The following FOXP2 variants were observed in gnomAD, a reference collection of about 807,000 sequenced individuals.
FOXP2 encodes the protein forkhead box P2, also known as forkhead box protein P2.
In FOXP2, 12 loss-of-function variants were observed where a neutral mutation model predicts 115.8. The ratio of observed to expected loss-of-function variants is 0.10; its 90% confidence interval spans 0.07 to 0.17. FOXP2 has a LOEUF of 0.17. FOXP2 is among the 10% of genes least tolerant of loss of function. The probability of loss-of-function intolerance (pLI) is 1.00; values close to 1 mark genes in which losing one functional copy is unlikely to be tolerated. For missense variants in FOXP2, 629 were observed against 843.5 expected (o/e 0.75, Z 3.15); for synonymous variants, 328 against 297.7 (o/e 1.10, Z -1.05).
At chr7:114,672,447 C>T (rs1026283209) in intron 16 of FOXP2, among the ~76,000 whole-genome samples, 6 of 151,800 alleles carry the variant, frequency 4.0e-5, no homozygotes, top group Non-Finnish European at 8.8e-5. Flanking sequence ...TAGCTGGGCA[C>T]GGTGGTGGGG....
chr7:114,211,991 T>A (rs1794365520), intron 1 of FOXP2, among the ~76,000 whole-genome samples: 1 of 151,868 alleles, frequency 6.6e-6, no homozygotes, highest in Non-Finnish European at 1.5e-5. Context: ...GAGAATCACT[T>A]GAACCCAGGA....
At chr7:114,375,722 T>TCTCC (rs1051886788) in intron 2 of FOXP2, among the ~76,000 whole-genome samples, 1 of 152,120 alleles carries the variant, frequency 6.6e-6, no homozygotes, top group African/African-American at 2.4e-5. Flanking sequence ...CCTCTCTCTC[T>TCTCC]CTCCCAATGT....
At chr7:114,432,703 T>G (rs1418177126) in intron 2 of FOXP2, among the ~76,000 whole-genome samples, 2 of 151,940 alleles carry the variant, frequency 1.3e-5, no homozygotes. Flanking sequence ...TTGAAGGATC[T>G]TTTCATGAAT....
intron 2 of FOXP2, chr7:114,366,672 G>C (rs1791889705): frequency 6.6e-6 from 1 of 152,102 alleles, no homozygotes; most frequent in Non-Finnish European, 1.5e-5. Context: ...AAATTTCTCA[G>C]CAGCAATAGT....
At chr7:114,342,353 A>G (rs534871251) in intron 2 of FOXP2, among the ~76,000 whole-genome samples, 1 of 151,564 alleles carries the variant, frequency 6.6e-6, no homozygotes, top group East Asian at 1.9e-4. Context: ...ATACTTAAAC[A>G]TAAAAGTTTA....
At chr7:114,407,007 A>T (rs1218204378) in intron 2 of FOXP2, among the ~76,000 whole-genome samples, 1 of 152,034 alleles carries the variant, frequency 6.6e-6, no homozygotes, top group Non-Finnish European at 1.5e-5. Flanking sequence ...GAAGGAGAGA[A>T]CCAGACAGGA....
At chr7:114,444,441 TTATAGCAC>T (rs1485486159) in intron 2 of FOXP2, among the ~76,000 whole-genome samples, 1 of 152,166 alleles carries the variant, frequency 6.6e-6, no homozygotes, top group Non-Finnish European at 1.5e-5. Flanking sequence ...GTGGTGATTT[TTATAGCAC>T]TTGGTTGTAA....
At chr7:114,143,275 C>T (rs553424031) in intron 1 of FOXP2, among the ~76,000 whole-genome samples, 16 of 152,002 alleles carry the variant, frequency 1.1e-4, no homozygotes, top group Non-Finnish European at 1.9e-4. Flanking sequence ...TTGAAATATA[C>T]ATTTTAGTAC....
Position 114,589,136 on chromosome 7 carries a change from A to T in FOXP2, c.259-39404A>T, listed in dbSNP as rs77920380. Among the ~76,000 whole-genome samples, 1,274 of 152,292 alleles carry T rather than the reference A, an allele frequency of 8.4e-3. 12 individuals are homozygous for T. The highest frequency in any genetic ancestry group is 0.024 in the Middle Eastern group (7 of 292). On this transcript the variant is annotated intron_variant, in intron 3 of 16. Coordinates refer to ENST00000350908, the MANE Select transcript of FOXP2 (RefSeq NM_014491.4). ...GCCACTAAAATCTTTCTGAAGATAC[A>T]AATTGCAAGATTCTTAAAGCTTTCT...
chr7:114,658,392 G>T, intron 11 of FOXP2, 125 bp downstream of exon 11: 1 of 1,005,724 alleles, frequency 9.9e-7, no homozygotes, highest in Non-Finnish European at 1.5e-6. Flanking sequence ...AGTGATAATT[G>T]TTTTATTCCT....
chr7:114,485,804 A>G (rs915386714), intron 2 of FOXP2, among the ~76,000 whole-genome samples: 5 of 152,180 alleles, frequency 3.3e-5, no homozygotes, highest in African/African-American at 1.2e-4. Flanking sequence ...GTAATGAACT[A>G]TGAAGATGGA....
chr7:114,455,001 C>G (rs1411084941), intron 2 of FOXP2, among the ~76,000 whole-genome samples: 1 of 149,578 alleles, frequency 6.7e-6, no homozygotes, highest in Non-Finnish European at 1.5e-5. Flanking sequence ...CACATGTACC[C>G]TAAAACTTAA....
chr7:114,481,762 CTCTATCTATCTATCTATCTA>C (rs3028214), intron 2 of FOXP2, among the ~76,000 whole-genome samples: 89 of 145,388 alleles, frequency 6.1e-4, no homozygotes, highest in Non-Finnish European at 1.3e-3. Flanking sequence ...CATATGGAAA[CTCTATCTATCTATCTATCTA>C]TCTATCTATC....
chr7:114,241,714 A>C (rs950453653), intron 1 of FOXP2, among the ~76,000 whole-genome samples: 1 of 148,774 alleles, frequency 6.7e-6, no homozygotes, highest in African/African-American at 2.5e-5. Context: ...ATGATGGGAA[A>C]TAAAACGTAA....
At chr7:114,592,761 A>G (rs1001922531) in intron 3 of FOXP2, among the ~76,000 whole-genome samples, 2 of 152,074 alleles carry the variant, frequency 1.3e-5, no homozygotes, top group Admixed American at 6.6e-5. Flanking sequence ...GAAATAATTC[A>G]GCATTCAATT....
At chr7:114,469,550 T>C (rs973202626) in intron 2 of FOXP2, among the ~76,000 whole-genome samples, 2 of 152,150 alleles carry the variant, frequency 1.3e-5, no homozygotes, top group South Asian at 2.1e-4. Flanking sequence ...ATAGAAAATA[T>C]CCGTGACTAT....
intron 14 of FOXP2, 68 bp from the exon 15 acceptor site, chr7:114,663,382 C>A: frequency 4.4e-6 from 5 of 1,147,752 alleles, no homozygotes; most frequent in South Asian, 1.2e-5. Context: ...ACCTTTATAG[C>A]TGAGACTATT....
intron 2 of FOXP2, among the ~76,000 whole-genome samples, chr7:114,497,552 G>A (rs1033807678): frequency 6.6e-6 from 1 of 152,122 alleles, no homozygotes; most frequent in Non-Finnish European, 1.5e-5. Context: ...TGGAGGCTGA[G>A]GCAGGAGAAT....
chr7:114,460,934 C>A (rs911471886), intron 2 of FOXP2, among the ~76,000 whole-genome samples: 12 of 152,160 alleles, frequency 7.9e-5, no homozygotes, highest in African/African-American at 2.7e-4. Context: ...CTATCCGAAT[C>A]TTTACCATCC....
Sources: allele counts gnomAD v4.1 joint callset (sites outside exome capture counted in the v4.1 genomes callset), GRCh38; gene constraint gnomAD v4.1.1; transcripts MANE v1.5; gene names NCBI Gene and HGNC (gene_info 2026-07-23, HGNC 2026-07-21).